MAPK14: variants seen among roughly 807,000 people sequenced by gnomAD.
The protein encoded by MAPK14 is CSAID-binding protein.
A neutral mutation model predicts 49.6 loss-of-function variants in MAPK14; 16 were observed. The ratio of observed to expected loss-of-function variants is 0.32; its 90% CI spans 0.22 to 0.49. MAPK14 has a LOEUF of 0.49. Among genes scored for constraint, MAPK14 ranks in the 20% least tolerant of loss-of-function variants. MAPK14 has a pLI of 0.99. For missense variants in MAPK14, 200 were observed against 441.2 expected (o/e 0.45, Z 4.90); for synonymous variants, 142 against 158.0 (o/e 0.90, Z 0.76).
chr6:36,104,536 T>C (rs1765742659), intron 10 of MAPK14, among the ~76,000 whole-genome samples: 1 of 152,096 alleles, frequency 6.6e-6, no homozygotes, highest in South Asian at 2.1e-4. Flanking sequence ...TACAAGTGTG[T>C]GCCACCACAC....
intron 8 of MAPK14, among the ~76,000 whole-genome samples, chr6:36,094,879 A>G (rs1220267212): frequency 6.6e-6 from 1 of 152,104 alleles, no homozygotes; most frequent in Non-Finnish European, 1.5e-5. Flanking sequence ...TGTTATGTAT[A>G]TAGAGTGTTG....
At chr6:36,121,644 G>A in the MAPK14 span, among the ~76,000 whole-genome samples, 1 of 152,224 alleles carries the variant, frequency 6.6e-6, no homozygotes, top group Non-Finnish European at 1.5e-5. Flanking sequence ...TGACAGTGGT[G>A]TCCTGGAGCT....
intron 1 of MAPK14, among the ~76,000 whole-genome samples, chr6:36,033,353 G>A (rs1233432481): frequency 1.3e-5 from 2 of 148,428 alleles, no homozygotes; most frequent in Non-Finnish European, 3.0e-5. Flanking sequence ...GTCTTGCTGT[G>A]TTGCCCAGGC....
At chr6:36,106,068 T>G (rs1765788437) in intron 10 of MAPK14, among the ~76,000 whole-genome samples, 1 of 152,208 alleles carries the variant, frequency 6.6e-6, no homozygotes, top group Non-Finnish European at 1.5e-5. Context: ...ATTACTTGCT[T>G]TGGTCAAAGG....
rs1300017525 is a variant in MAPK14 at position 36,059,322 on chromosome 6, A to G, written c.280A>G (p.Arg94Gly). The G allele has an allele frequency of 5.6e-6, 9 of 1,612,196 alleles. No individual in the cohort carries two copies. Among genetic ancestry groups the G allele is most frequent in the African/African-American group, 2.7e-5 (2 of 75,000 alleles). ...IGLLDVFTPA[R>G]SLEEFNDVYL... ...TCTGTTGGACGTTTTTACACCTGCA[A>G]GGTCTCTGGAGGAATTCAATGATGT... is the stretch of plus-strand genomic sequence containing the variant. Residue 94 changes from arginine (R) to glycine (G), a missense_variant, in exon 3 of 12, where the codon AGG (arginine) becomes GGG (glycine). By Grantham distance (125) the Arg-to-Gly change is moderately radical. Transcript: ENST00000229794.
At chr6:36,124,178 G>T in the MAPK14 span, among the ~76,000 whole-genome samples, 24 of 42,020 alleles carry the variant, frequency 5.7e-4, no homozygotes, top group South Asian at 2.8e-3. Flanking sequence ...CTTCCTTCCT[G>T]CCTTCCTTTC....
chr6:36,077,711 A>G (rs1764588151), intron 8 of MAPK14, among the ~76,000 whole-genome samples: 2 of 152,154 alleles, frequency 1.3e-5, no homozygotes, highest in Non-Finnish European at 2.9e-5. Context: ...AGGATTGATA[A>G]CAGAGTTCAG....
the MAPK14 span, among the ~76,000 whole-genome samples, chr6:36,117,839 CAGT>C: frequency 6.6e-6 from 1 of 152,208 alleles, no homozygotes; most frequent in Non-Finnish European, 1.5e-5. Flanking sequence ...ACCTGGCACA[CAGT>C]AGGCATTCAG....
chr6:36,070,617 C>A (rs1764232193), intron 3 of MAPK14, among the ~76,000 whole-genome samples: 1 of 152,176 alleles, frequency 6.6e-6, no homozygotes, highest in Non-Finnish European at 1.5e-5. Context: ...TCTACTCTTT[C>A]CTCAAGGCCG....
intron 8 of MAPK14, among the ~76,000 whole-genome samples, chr6:36,093,704 G>C (rs1051245114): frequency 2.4e-5 from 3 of 127,564 alleles, no homozygotes; most frequent in Non-Finnish European, 4.7e-5. Context: ...GGGCGACAGA[G>C]CGAGAGACTC....
chr6:36,030,009 CTT>C (rs764339231), intron 1 of MAPK14, among the ~76,000 whole-genome samples: 7 of 151,648 alleles, frequency 4.6e-5, no homozygotes, highest in African/African-American at 1.7e-4. Flanking sequence ...GATCATTGCT[CTT>C]TTAATATTTT....
chr6:36,059,348 G>A lies in MAPK14; in HGVS notation c.305+1G>A, dbSNP rs1351908298. 1.2e-6 allele frequency: 2 copies of A among 1,609,990 alleles called. No homozygotes were observed. The highest frequency in any genetic ancestry group is 1.7e-6 in the Non-Finnish European group (2 of 1,176,414). On this transcript the variant is annotated splice_donor_variant, in intron 3 of 11. Transcript: ENST00000229794. LOFTEE classifies it high-confidence loss of function. ...GGTCTCTGGAGGAATTCAATGATGT[G>A]TGAGTAAATTTTTTGCATTTGCCTT...
At chr6:36,046,464 T>A (rs370919589) in intron 1 of MAPK14, among the ~76,000 whole-genome samples, 4 of 152,360 alleles carry the variant, frequency 2.6e-5, no homozygotes, top group African/African-American at 9.6e-5. Context: ...ACCAAGCTCC[T>A]TGCCAAACCT....
chr6:36,054,475 T>A (rs528452189), intron 2 of MAPK14, among the ~76,000 whole-genome samples: 1 of 152,368 alleles, frequency 6.6e-6, no homozygotes, highest in East Asian at 1.9e-4. Context: ...CATTGTTTTA[T>A]AAGTGGCTTG....
chr6:36,086,386 C>CATAAA (rs1192870086), intron 8 of MAPK14, among the ~76,000 whole-genome samples: 5 of 151,806 alleles, frequency 3.3e-5, no homozygotes, highest in African/African-American at 1.2e-4. Flanking sequence ...TTTTGAAAAA[C>CATAAA]ATAAAATAAA....
intron 8 of MAPK14, among the ~76,000 whole-genome samples, chr6:36,077,881 A>T (rs1226967079): frequency 6.6e-6 from 1 of 152,204 alleles, no homozygotes; most frequent in East Asian, 1.9e-4. Flanking sequence ...GAATTAGGGA[A>T]AATTCATACT....
chr6:36,055,887 C>A (rs979437273), intron 2 of MAPK14, among the ~76,000 whole-genome samples: 3 of 151,418 alleles, frequency 2.0e-5, no homozygotes, highest in African/African-American at 4.9e-5. Flanking sequence ...GATTAATATT[C>A]ATAAGTATGA....
At chr6:36,115,646 G>C (rs1408694088), downstream of MAPK14, among the ~76,000 whole-genome samples, 1 of 152,032 alleles carries the variant, frequency 6.6e-6, no homozygotes, top group African/African-American at 2.4e-5. Context: ...CGTTAACTGG[G>C]GCGGGGCGCA....
intron 8 of MAPK14, among the ~76,000 whole-genome samples, chr6:36,087,564 T>C (rs1365556695): frequency 1.3e-5 from 2 of 151,674 alleles, no homozygotes; most frequent in African/African-American, 2.4e-5. Context: ...CCCAGAACTA[T>C]AGCTATTAAT....
Sources: allele counts gnomAD v4.1 joint callset (sites outside exome capture counted in the v4.1 genomes callset), GRCh38; gene constraint gnomAD v4.1.1; transcripts MANE v1.5; gene names NCBI Gene and HGNC (gene_info 2026-07-23, HGNC 2026-07-21).